The following FAM114A2 variants were observed in gnomAD, a reference collection of about 807,000 sequenced individuals.
FAM114A2 encodes protein FAM114A2.
FAM114A2 carries 53 observed loss-of-function variants against 58.4 expected under a neutral mutation model. The observed-to-expected ratio is 0.91, with a 90% CI of 0.73 to 1.14. FAM114A2 has a LOEUF of 1.14. Among genes scored for constraint, FAM114A2 ranks in the 50% most tolerant of loss-of-function variants. FAM114A2 has a pLI of 0.00. For synonymous variants in FAM114A2, 228 were observed against 211.4 expected (o/e 1.08, Z -0.68); for missense variants, 601 against 581.1 (o/e 1.03, Z -0.35).
At chr5:154,010,314 A>C (rs1351231112) in intron 9 of FAM114A2, among the ~76,000 whole-genome samples, 2 of 152,238 alleles carry the variant, frequency 1.3e-5, no homozygotes, top group African/African-American at 4.8e-5. Context: ...TTTCCAAAAT[A>C]AAAAGCACTA....
chr5:154,001,971 TTC>T (rs1770005423), intron 11 of FAM114A2, among the ~76,000 whole-genome samples: 1 of 152,238 alleles, frequency 6.6e-6, no homozygotes, highest in South Asian at 2.1e-4. Flanking sequence ...CTTAGAACTC[TTC>T]TCTGTTTTCA....
chr5:153,997,944 G>T (rs1417322477), intron 11 of FAM114A2, 69 bp from the exon 12 acceptor site: 2 of 953,748 alleles, frequency 2.1e-6, no homozygotes, highest in Non-Finnish European at 3.3e-6. Flanking sequence ...TTTAACAATT[G>T]TCAGAAGAGA....
intron 6 of FAM114A2, 129 bp downstream of exon 6, chr5:154,028,019 CA>C (rs1256162438): frequency 7.7e-6 from 6 of 780,824 alleles, no homozygotes; most frequent in South Asian, 2.2e-5. Context: ...CTGATCCCCC[CA>C]AAAAAACGCC....
chr5:153,991,101 G>A lies in FAM114A2; in HGVS notation c.*1875C>T, dbSNP rs1289505444. ...AAAATAAATAAATATATATGGGGGG[G>A]TGGGGAAGATGAGAAAAAAAGAGTT... On this transcript the variant is annotated 3_prime_UTR_variant, in exon 14 of 14. Coordinates refer to ENST00000351797, the MANE Select transcript of FAM114A2 (RefSeq NM_018691.4). 6.6e-6 allele frequency: 1 copy of A among 151,244 alleles called. No individual in the cohort carries two copies. Among genetic ancestry groups the A allele is most frequent in the African/African-American group, 2.4e-5 (1 of 41,080 alleles). The allele number at this position is 151,244 out of a possible 1,614,324, so 9.4% of individuals were successfully genotyped here. A position where few individuals can be genotyped will look rare whatever the true frequency, so the allele number is the denominator to read the frequency against.
intron 9 of FAM114A2, among the ~76,000 whole-genome samples, chr5:154,006,951 T>A (rs562349960): frequency 6.6e-6 from 1 of 152,110 alleles, no homozygotes; most frequent in South Asian, 2.1e-4. Context: ...CACCTGCCAC[T>A]GCGCCTGACT....
intron 4 of FAM114A2, among the ~76,000 whole-genome samples, chr5:154,033,436 CACAACAG>C (rs899331296): frequency 6.6e-5 from 10 of 152,178 alleles, no homozygotes; most frequent in Non-Finnish European, 1.2e-4. Flanking sequence ...TTTATCATGT[CACAACAG>C]ACTCAGATTC....
rs1769331331 is a variant in FAM114A2, at chr5:153,993,031, T to C, written c.1463A>G (p.Lys488Arg). 1.2e-6 allele frequency: 2 copies of C among 1,613,630 alleles called. No individual in the cohort carries two copies. Among genetic ancestry groups the C allele is most frequent in the Non-Finnish European group, 8.5e-7 (1 of 1,179,622 alleles). ...CAGCTCATGTCTGTGTGATTCAATCTTGTTCTCAATGAGAGAGATCTCTAG... is the reference window on the plus strand; with the variant it reads ...CAGCTCATGTCTGTGTGATTCAATCCTGTTCTCAATGAGAGAGATCTCTAG... ...PVLEISLIENKIESHRHELQG... is the reference protein window; with the variant it reads ...PVLEISLIENRIESHRHELQG... Residue 488 changes from lysine to arginine, a missense_variant, in exon 14 of 14, where the codon AAG (lysine) becomes AGG (arginine). Transcript: ENST00000351797.
At chr5:154,001,166 A>G (rs1769944652) in intron 11 of FAM114A2, among the ~76,000 whole-genome samples, 1 of 152,224 alleles carries the variant, frequency 6.6e-6, no homozygotes, top group South Asian at 2.1e-4. Flanking sequence ...CTATATACAT[A>G]TACATATATA....
chr5:153,992,861 C>G lies in FAM114A2; in HGVS notation c.*115G>C, dbSNP rs1769318646. 3.4e-6 allele frequency: 3 copies of G among 893,562 alleles called. No homozygotes were observed. The Admixed American group carries it at 7.4e-5, about 22-fold the overall frequency. The allele number at this position is 893,562 out of a possible 1,614,324, so 55.4% of individuals were successfully genotyped here. On this transcript the variant is annotated 3_prime_UTR_variant, in exon 14 of 14. Transcript: ENST00000351797. ...AATCTTCCTCTTTAAACCATCTCTC[C>G]TGCCTGAATTTTTATATACTAAAAT...
intron 1 of FAM114A2, among the ~76,000 whole-genome samples, chr5:154,035,927 C>T (rs1373674268): frequency 6.6e-6 from 1 of 152,182 alleles, no homozygotes; most frequent in Non-Finnish European, 1.5e-5. Flanking sequence ...AGTTGTACTT[C>T]TCTAAGACCT....
chr5:154,001,887 C>CAAAT (rs1422471688), intron 11 of FAM114A2, among the ~76,000 whole-genome samples: 1 of 152,102 alleles, frequency 6.6e-6, no homozygotes, highest in Admixed American at 6.6e-5. Flanking sequence ...ATTATACATG[C>CAAAT]AAATCCCTTA....
At chr5:154,033,042 A>G (rs1354937917) in intron 4 of FAM114A2, among the ~76,000 whole-genome samples, 1 of 152,228 alleles carries the variant, frequency 6.6e-6, no homozygotes, top group East Asian at 1.9e-4. Flanking sequence ...ATCCATGGAC[A>G]TATGACCCAA....
chr5:154,033,230 A>G (rs1292600858), intron 4 of FAM114A2, among the ~76,000 whole-genome samples: 1 of 152,218 alleles, frequency 6.6e-6, no homozygotes, highest in African/African-American at 2.4e-5. Flanking sequence ...ATGAGAGATG[A>G]AGAATGCAAA....
intron 12 of FAM114A2, among the ~76,000 whole-genome samples, chr5:153,997,339 C>A (rs781766874): frequency 3.0e-4 from 46 of 152,034 alleles, no homozygotes; most frequent in Non-Finnish European, 5.1e-4. Flanking sequence ...AGCCAAAAAG[C>A]AGAAATAATC....
At chr5:154,036,274 C>G (rs1368154542) in intron 1 of FAM114A2, 1 of 152,116 alleles carries the variant, frequency 6.6e-6, no homozygotes, top group African/African-American at 2.4e-5. Flanking sequence ...GAAATTTAAG[C>G]CATCAGATTG....
chr5:153,996,991 TAAAA>T (rs57110256), intron 12 of FAM114A2, among the ~76,000 whole-genome samples: 2 of 121,294 alleles, frequency 1.6e-5, no homozygotes, highest in African/African-American at 3.1e-5. Context: ...GAGCAAAACT[TAAAA>T]AAAAAAAAAA....
intron 8 of FAM114A2, among the ~76,000 whole-genome samples, chr5:154,012,344 A>G (rs1171043570): frequency 1.3e-5 from 2 of 152,144 alleles, no homozygotes; most frequent in Admixed American, 6.5e-5. Context: ...AGCAAATCCA[A>G]TCAGTGCGAA....
chr5:153,999,903 A>G (rs1769855877), intron 11 of FAM114A2, among the ~76,000 whole-genome samples: 2 of 152,166 alleles, frequency 1.3e-5, no homozygotes, highest in South Asian at 4.1e-4. Flanking sequence ...AAAAATGGAT[A>G]AAGAAAATGT....
chr5:154,012,792 A>G (rs887739671), intron 8 of FAM114A2, among the ~76,000 whole-genome samples: 3 of 152,194 alleles, frequency 2.0e-5, no homozygotes, highest in South Asian at 2.1e-4. Flanking sequence ...TGTTTTCTCA[A>G]GTAATTTATA....
Sources: gnomAD v4.1 joint callset for allele counts (sites outside exome capture counted in the v4.1 genomes callset) on GRCh38, gnomAD v4.1.1 for gene constraint, MANE v1.5 for transcripts, NCBI Gene and HGNC (gene_info 2026-07-23, HGNC 2026-07-21) for gene names.